TRPC1: variants seen among roughly 807,000 people sequenced by gnomAD.
TRPC1 encodes short transient receptor potential channel 1.
Under a neutral mutation model 88.2 loss-of-function variants are expected in TRPC1, and 42 were observed. The observed-to-expected ratio is 0.48, with a 90% confidence interval of 0.37 to 0.62. TRPC1 has a LOEUF of 0.62. TRPC1 is among the 20% of genes least tolerant of loss of function. The pLI is 0.00. For synonymous variants in TRPC1, 288 were observed against 331.8 expected (o/e 0.87, Z 1.43); for missense variants, 699 against 957.3 (o/e 0.73, Z 3.56).
chr3:142,802,751 G>T (rs1578014901), intron 10 of TRPC1, among the ~76,000 whole-genome samples: 1 of 152,012 alleles, frequency 6.6e-6, no homozygotes, highest in Admixed American at 6.6e-5. Context: ...TTTTTAAGAG[G>T]TCATTAGAAT....
At chr3:142,785,169 C>T in intron 7 of TRPC1, 129 bp downstream of exon 7, 3 of 726,622 alleles carry the variant, frequency 4.1e-6, no homozygotes, top group Non-Finnish European at 6.5e-6. Flanking sequence ...AATTTGAACA[C>T]TTCCATGATC....
At chr3:142,744,638 C>T (rs979289140) in intron 3 of TRPC1, among the ~76,000 whole-genome samples, 1 of 152,000 alleles carries the variant, frequency 6.6e-6, no homozygotes, top group Admixed American at 6.5e-5. Context: ...GGTTAAAATA[C>T]TTACCACGGT....
rs1366416036 is a variant in TRPC1, at chr3:142,806,516, TTTTTTTTA to T, written c.*283_*290del. 2 of 216,372 alleles carry T rather than the reference TTTTTTTTA, an allele frequency of 9.2e-6. No individual in the cohort carries two copies. The highest frequency in any genetic ancestry group is 4.6e-5 in the African/African-American group (2 of 43,140). The allele number at this position is 216,372 out of a possible 1,614,324, so 13.4% of individuals were successfully genotyped here. On this transcript the variant is annotated 3_prime_UTR_variant, in exon 13 of 13. Transcript: ENST00000476941. The stretch of plus-strand genomic sequence containing the variant: ...TTTCTTACTTAGTGCTTTAAAATGT[TTTTTTTTA>T]TGTTTAAGAGGGGCAGTTATAAATG...
chr3:142,795,289 A>G (rs1027784996), intron 9 of TRPC1, among the ~76,000 whole-genome samples: 1 of 151,900 alleles, frequency 6.6e-6, no homozygotes. Context: ...GACCAAAAAA[A>G]TTTTTTAAGA....
rs1935426401 is a variant in TRPC1, at chr3:142,767,294, T to C, written c.633-10338T>C. Reference sequence around the variant, plus strand: ...AGTTCAAAGCTAACTTAAAAAGATGTTTAGATCTTTCCCATTTTTAAATTA... The same window carrying C: ...AGTTCAAAGCTAACTTAAAAAGATGCTTAGATCTTTCCCATTTTTAAATTA... On this transcript the variant is annotated intron_variant, in intron 4 of 12. Transcript: ENST00000476941. The surrounding 1 kb of genome is among the most constrained non-coding windows in gnomAD (Gnocchi z 5.1). 6.6e-6 allele frequency among the ~76,000 whole-genome samples: 1 copy of C among 152,040 alleles called. No homozygotes were observed. Among genetic ancestry groups the C allele is most frequent in the Non-Finnish European group, 1.5e-5 (1 of 67,966 alleles).
chr3:142,740,556 A>T (rs1227468697), intron 2 of TRPC1, among the ~76,000 whole-genome samples: 10 of 152,234 alleles, frequency 6.6e-5, no homozygotes, highest in Admixed American at 6.5e-4. Flanking sequence ...ATCTACATTT[A>T]ATAAAGAGCA....
chr3:142,750,645 G>C (rs1934726957), intron 4 of TRPC1, among the ~76,000 whole-genome samples: 1 of 152,182 alleles, frequency 6.6e-6, no homozygotes, highest in African/African-American at 2.4e-5. Flanking sequence ...ATTCACAATA[G>C]CACAGAGTAG....
chr3:142,736,177 A>T lies in TRPC1; in HGVS notation c.173-202A>T, dbSNP rs549823921. 2.6e-5 allele frequency among the ~76,000 whole-genome samples: 4 copies of T among 152,006 alleles called. No individual in the cohort carries two copies. In the East Asian group the frequency reaches 7.7e-4, roughly 29 times the overall value. Reference sequence around the variant, plus strand: ...TACATTTAAAAATTTTCTACTTTTTATGTCTGCTGCTGATGTACGTATTAT... The same window carrying T: ...TACATTTAAAAATTTTCTACTTTTTTTGTCTGCTGCTGATGTACGTATTAT... On this transcript the variant is annotated intron_variant, in intron 1 of 12. Coordinates refer to ENST00000476941, the MANE Select transcript of TRPC1 (RefSeq NM_001251845.2).
chr3:142,741,977 A>C (rs1934368710), intron 2 of TRPC1, among the ~76,000 whole-genome samples: 1 of 152,146 alleles, frequency 6.6e-6, no homozygotes, highest in African/African-American at 2.4e-5. Flanking sequence ...AGCCCAGCCA[A>C]CAGGGTGAAA....
intron 8 of TRPC1, 113 bp downstream of exon 8, chr3:142,791,271 T>C (rs1936288372): frequency 2.1e-6 from 2 of 955,000 alleles, no homozygotes; most frequent in Non-Finnish European, 3.0e-6. Context: ...GTCTGGTGTG[T>C]TTTCATTTTA....
Position 142,748,341 on chromosome 3 carries a change from C to T in TRPC1, c.513C>T (p.Asn171=), listed in dbSNP as rs756749127. The stretch of plus-strand genomic sequence containing the variant: ...TCATTTTAGCTGCTCATCGTAACAA[C>T]TATGAAATTCTTACAATGCTCTTAA... ...APVILAAHRN[N]YEILTMLLKQ... is the part of the protein sequence containing the mutation. The change falls in exon 4 of 13, where the codon AAC becomes AAT. Residue 171 remains asparagine, a synonymous_variant. Coordinates refer to ENST00000476941, the MANE Select transcript of TRPC1 (RefSeq NM_001251845.2). The T allele has an allele frequency of 1.9e-6, 3 of 1,614,048 alleles. No individual in the cohort carries two copies. Among genetic ancestry groups the T allele is most frequent in the Non-Finnish European group, 2.5e-6 (3 of 1,179,936 alleles).
intron 9 of TRPC1, among the ~76,000 whole-genome samples, chr3:142,795,135 C>T (rs1294135265): frequency 2.0e-5 from 3 of 151,764 alleles, no homozygotes; most frequent in Non-Finnish European, 4.4e-5. Flanking sequence ...TTAGTAAACT[C>T]GAATAGGTAA....
chr3:142,799,375 T>C (rs945532304), intron 9 of TRPC1, among the ~76,000 whole-genome samples: 2 of 152,208 alleles, frequency 1.3e-5, no homozygotes, highest in African/African-American at 4.8e-5. Flanking sequence ...AATCTCTCAG[T>C]CTAAAATAAA....
chr3:142,750,086 C>G (rs1414830667), intron 4 of TRPC1, among the ~76,000 whole-genome samples: 1 of 152,136 alleles, frequency 6.6e-6, no homozygotes, highest in African/African-American at 2.4e-5. Context: ...TCTAATTAAA[C>G]TAAAGAGCTT....
chr3:142,747,460 T>C (rs1934598915), intron 3 of TRPC1, among the ~76,000 whole-genome samples: 1 of 152,188 alleles, frequency 6.6e-6, no homozygotes, highest in African/African-American at 2.4e-5. Context: ...ACCACACCCA[T>C]GGACTCCTGT....
chr3:142,736,443 C>T lies in TRPC1; in HGVS notation c.237C>T (p.Cys79=), dbSNP rs757411741. The change falls in exon 2 of 13, where the codon TGC becomes TGT. Residue 79 remains cysteine (C), a synonymous_variant. Transcript: ENST00000476941. ...GTTCAGGTGACTTGAACATAAATTG[C>T]GTAGATGTGCTTGGGAGAAATGCTG... is the stretch of plus-strand genomic sequence containing the variant. ...ENSSGDLNIN[C]VDVLGRNAVT... The T allele has an allele frequency of 3.7e-5, 59 of 1,612,290 alleles. 1 individual carries two copies. The highest frequency in any genetic ancestry group is 1.1e-4 in the African/African-American group (8 of 74,810).
At chr3:142,779,861 A>ATTTTT (rs1008974297) in intron 5 of TRPC1, among the ~76,000 whole-genome samples, 5 of 125,420 alleles carry the variant, frequency 4.0e-5, no homozygotes, top group Admixed American at 8.1e-5. Context: ...AATGTAATTG[A>ATTTTT]TTTTTTTTTT....
chr3:142,724,601 C>T lies in TRPC1; in HGVS notation c.42C>T (p.Ala14=), dbSNP rs1387158828. The stretch of plus-strand genomic sequence containing the variant: ...ACCCGAGCACGGACCTCTCGGGCGC[C>T]TCCTCCTCCTCCCTGCCTTCCTCTC... ...ALYPSTDLSG[A]SSSSLPSSPS... Residue 14 remains alanine, a synonymous_variant, in exon 1 of 13, where the codon GCC becomes GCT. Coordinates refer to ENST00000476941, the MANE Select transcript of TRPC1 (RefSeq NM_001251845.2). The surrounding 1 kb of genome is among the most constrained non-coding windows in gnomAD (Gnocchi z 5.6). 6 of 1,598,602 alleles carry T rather than the reference C, an allele frequency of 3.8e-6. No individual in the cohort carries two copies. In the South Asian group the frequency reaches 6.7e-5, roughly 18 times the overall value.
intron 4 of TRPC1, among the ~76,000 whole-genome samples, chr3:142,756,771 T>G (rs1012500564): frequency 6.6e-6 from 1 of 152,168 alleles, no homozygotes; most frequent in Non-Finnish European, 1.5e-5. Flanking sequence ...GTTTTAAAAA[T>G]TTTTTTATTT....
Sources: gnomAD v4.1 joint callset for allele counts (sites outside exome capture counted in the v4.1 genomes callset) on GRCh38, gnomAD v4.1.1 for gene constraint, Gnocchi (gnomAD v3.1) non-coding constraint, MANE v1.5 for transcripts, NCBI Gene and HGNC (gene_info 2026-07-23, HGNC 2026-07-21) for gene names.